Variants in CSMD3 observed in about 807,000 individuals in gnomAD.
CSMD3 encodes the protein CUB and Sushi multiple domains 3, also known as CUB and sushi domain-containing protein 3.
Under a neutral mutation model 435.2 loss-of-function variants are expected in CSMD3, and 177 were observed. That is an observed-to-expected ratio of 0.41 (90% CI 0.36 to 0.46). The LOEUF is 0.46. Ranked by LOEUF, CSMD3 falls within the 20% of genes least tolerant of loss-of-function variation. The probability of loss-of-function intolerance (pLI) is 0.34; values close to 1 mark genes in which losing one functional copy is unlikely to be tolerated. For synonymous variants in CSMD3, 1,656 were observed against 1,520.5 expected (o/e 1.09, Z -2.07); for missense variants, 4,265 against 4,504.6 (o/e 0.95, Z 1.52).
chr8:112,674,261 T>C (rs2131741423), intron 16 of CSMD3, among the ~76,000 whole-genome samples: 1 of 152,236 alleles, frequency 6.6e-6, no homozygotes, highest in South Asian at 2.1e-4. Flanking sequence ...TCCTTTTACC[T>C]TTAGATCCTG....
intron 5 of CSMD3, among the ~76,000 whole-genome samples, chr8:113,037,320 G>A (rs2131269280): frequency 6.6e-6 from 1 of 151,652 alleles, no homozygotes; most frequent in East Asian, 1.9e-4. Context: ...TAATATCTGT[G>A]GTCTTCAATT....
intron 10 of CSMD3, among the ~76,000 whole-genome samples, chr8:112,862,375 A>C (rs2080851446): frequency 6.6e-6 from 1 of 152,028 alleles, no homozygotes; most frequent in Admixed American, 6.6e-5. Flanking sequence ...CTAGGTCAGT[A>C]CATATAGGTT....
At position 112,980,501 on chromosome 8, in the gene CSMD3, A is replaced by G. The variant is rs1456312467; in HGVS notation, c.1031-4353T>C. ...AATGCCATAAATGTTTAACATTAAA[A>G]CATCTAAAATAAAAATTATATATAC... On this transcript the variant is annotated intron_variant, in intron 6 of 70. Coordinates refer to ENST00000297405, the MANE Select transcript of CSMD3 (RefSeq NM_198123.2). 3.3e-5 allele frequency among the ~76,000 whole-genome samples: 5 copies of G among 151,676 alleles called. No homozygotes were observed. The East Asian group carries it at 9.7e-4, about 29-fold the overall frequency.
chr8:112,415,538 C>A (rs1488548192), intron 32 of CSMD3, among the ~76,000 whole-genome samples: 3 of 152,164 alleles, frequency 2.0e-5, no homozygotes, highest in African/African-American at 7.2e-5. Context: ...ACACAGAGTA[C>A]CCACTGGGGC....
chr8:112,448,233 C>G (rs981241965), intron 32 of CSMD3, among the ~76,000 whole-genome samples: 1 of 152,160 alleles, frequency 6.6e-6, no homozygotes, highest in Non-Finnish European at 1.5e-5. Flanking sequence ...GCCTCTTCCT[C>G]TTTTCATAAG....
intron 60 of CSMD3, 118 bp from the exon 61 acceptor site, chr8:112,263,930 T>C (rs1816687665): frequency 1.1e-6 from 1 of 877,984 alleles, no homozygotes; most frequent in Non-Finnish European, 1.9e-6. Context: ...GAGGACAATA[T>C]GTTGTGACAT....
rs1295019736 is a variant in CSMD3 at position 113,062,703 on chromosome 8, T to C, written c.917+36053A>G. Among the ~76,000 whole-genome samples, 3 of 151,816 alleles carry C rather than the reference T, an allele frequency of 2.0e-5. No homozygotes were observed. The East Asian group carries it at 5.8e-4, about 29-fold the overall frequency. On this transcript the variant is annotated intron_variant, in intron 5 of 70. Coordinates refer to ENST00000297405, the MANE Select transcript of CSMD3 (RefSeq NM_198123.2). ...TTACTTTATATTCAAATGCTCCCTT[T>C]TGTTTGACAAAAATCTAGGTGTAAC...
intron 10 of CSMD3, among the ~76,000 whole-genome samples, chr8:112,910,753 G>GCAA (rs1199962763): frequency 6.6e-6 from 1 of 151,822 alleles, no homozygotes; most frequent in Non-Finnish European, 1.5e-5. Flanking sequence ...CTTTGCTTCA[G>GCAA]AGGCAAGCTT....
chr8:113,123,439 T>C (rs1019956527), intron 4 of CSMD3, among the ~76,000 whole-genome samples: 1 of 152,094 alleles, frequency 6.6e-6, no homozygotes, highest in African/African-American at 2.4e-5. Flanking sequence ...AAAGTTCCTT[T>C]GAACTCAGCC....
intron 27 of CSMD3, among the ~76,000 whole-genome samples, chr8:112,537,240 A>G (rs918021581): frequency 1.3e-5 from 2 of 151,964 alleles, no homozygotes; most frequent in African/African-American, 4.8e-5. Context: ...TAAAACCTAA[A>G]ATATACAACA....
chr8:112,460,027 T>C (rs761511943), intron 32 of CSMD3, among the ~76,000 whole-genome samples: 1 of 152,142 alleles, frequency 6.6e-6, no homozygotes, highest in Non-Finnish European at 1.5e-5. Flanking sequence ...GCCACCAGCC[T>C]GCCTTAGCTG....
chr8:113,421,986 T>A (rs1480330045), intron 1 of CSMD3, among the ~76,000 whole-genome samples: 9 of 152,180 alleles, frequency 5.9e-5, no homozygotes. Flanking sequence ...GTCCCTCACC[T>A]TGCTACCACC....
At chr8:113,000,230 T>C (rs943421243) in intron 6 of CSMD3, among the ~76,000 whole-genome samples, 19 of 152,130 alleles carry the variant, frequency 1.2e-4, no homozygotes, top group Admixed American at 6.6e-4. Flanking sequence ...GGTTAAATAA[T>C]ACATGAACTG....
intron 5 of CSMD3, among the ~76,000 whole-genome samples, chr8:113,070,084 A>C (rs1432171112): frequency 6.6e-6 from 1 of 152,118 alleles, no homozygotes; most frequent in East Asian, 1.9e-4. Context: ...TCATTCTTGC[A>C]GTAAGATAAT....
rs56383800 is a variant in CSMD3 at position 112,525,817 on chromosome 8, C to T, written c.4565-8592G>A. ...ATATGTATATATATATATACACACACATATAAAAAATATATATATATATAT... is the reference window on the plus strand; with the variant it reads ...ATATGTATATATATATATACACACATATATAAAAAATATATATATATATAT... On this transcript the variant is annotated intron_variant, in intron 27 of 70. Transcript: ENST00000297405. 9.1e-5 allele frequency among the ~76,000 whole-genome samples: 10 copies of T among 109,802 alleles called. No individual in the cohort carries two copies. In the South Asian group the frequency reaches 2.2e-3, roughly 25 times the overall value. 72.0% of individuals were successfully genotyped at this position (109,802 alleles called of 152,430 possible). A position where few individuals can be genotyped will look rare whatever the true frequency, so the allele number is the denominator to read the frequency against.
intron 10 of CSMD3, among the ~76,000 whole-genome samples, chr8:112,897,744 G>GGT (rs1382517948): frequency 6.8e-6 from 1 of 147,294 alleles, no homozygotes; most frequent in Non-Finnish European, 1.5e-5. Flanking sequence ...GGGAAGTCGT[G>GGT]GTAAGAAGAG....
chr8:112,684,572 C>T (rs1454997114), intron 15 of CSMD3, among the ~76,000 whole-genome samples: 1 of 152,086 alleles, frequency 6.6e-6, no homozygotes, highest in East Asian at 1.9e-4. Context: ...TATTCTATGG[C>T]TTCAGGTATA....
At chr8:112,757,897 G>C (rs149374231) in intron 13 of CSMD3, among the ~76,000 whole-genome samples, 184 of 151,970 alleles carry the variant, frequency 1.2e-3, no homozygotes, top group African/African-American at 4.4e-3. Context: ...CTATAAAAAA[G>C]TTTAAAAAAT....
chr8:112,235,774 G>A (rs1813518439), intron 67 of CSMD3, among the ~76,000 whole-genome samples: 1 of 152,104 alleles, frequency 6.6e-6, no homozygotes, highest in Admixed American at 6.5e-5. Context: ...ATAGGAGGAA[G>A]ATATAAAAGT....
Sources: gnomAD v4.1 joint callset for allele counts (sites outside exome capture counted in the v4.1 genomes callset) on GRCh38, gnomAD v4.1.1 for gene constraint, MANE v1.5 for transcripts, NCBI Gene and HGNC (gene_info 2026-07-23, HGNC 2026-07-21) for gene names.